The following PPP5C variants were observed in gnomAD, a reference collection of about 807,000 sequenced individuals.
PPP5C encodes the protein protein phosphatase 5 catalytic subunit, also known as serine/threonine-protein phosphatase 5.
A neutral mutation model predicts 66.7 loss-of-function variants in PPP5C; 21 were observed. The ratio of observed to expected loss-of-function variants is 0.31; its 90% confidence interval spans 0.22 to 0.45. The LOEUF is 0.45. PPP5C is among the 20% of genes least tolerant of loss of function. The probability of loss-of-function intolerance (pLI) is 1.00; values close to 1 mark genes in which losing one functional copy is unlikely to be tolerated. For synonymous variants in PPP5C, 246 were observed against 257.4 expected (o/e 0.96, Z 0.43); for missense variants, 464 against 675.9 (o/e 0.69, Z 3.48).
chr19:46,355,558 G>A lies in PPP5C; in HGVS notation c.363+1569G>A, dbSNP rs113731460. ...GTTAGGATGGGGGCAGAGATGTGGC[G>A]GGGGGTTAGGGCGACACCTAGAAGG... On this transcript the variant is annotated intron_variant, in intron 2 of 12. Coordinates refer to ENST00000012443, the MANE Select transcript of PPP5C (RefSeq NM_006247.4). 2.5e-3 allele frequency among the ~76,000 whole-genome samples: 386 copies of A among 152,120 alleles called. 4 individuals are homozygous for A. The highest frequency in any genetic ancestry group is 8.4e-3 in the African/African-American group (347 of 41,490).
chr19:46,383,710 C>T lies in PPP5C; in HGVS notation c.700-70C>T. The T allele has an allele frequency of 7.7e-7, 1 of 1,294,292 alleles. No homozygotes were observed. Among genetic ancestry groups the T allele is most frequent in the Non-Finnish European group, 1.1e-6 (1 of 894,630 alleles). The allele number at this position is 1,294,292 out of a possible 1,614,324, so 80.2% of individuals were successfully genotyped here. A position where few individuals can be genotyped will look rare whatever the true frequency, so the allele number is the denominator to read the frequency against. On this transcript the variant is annotated intron_variant, in intron 5 of 12. Transcript: ENST00000012443. This position sits in a 1 kb window ranked among gnomAD's most constrained non-coding sequence, Gnocchi z 5.0. ...GGTCTACTGTGAACTCTTACCCTTC[C>T]CCTCACCTCTGCCCCCTCCCCACGT...
Position 46,390,803 on chromosome 19 carries a change from T to C in PPP5C, c.*457T>C. 8.9e-7 allele frequency: 1 copy of C among 1,127,440 alleles called. No homozygotes were observed. Among genetic ancestry groups the C allele is most frequent in the Non-Finnish European group, 1.1e-6 (1 of 909,128 alleles). 69.8% of individuals were successfully genotyped at this position (1,127,440 alleles called of 1,614,324 possible). On this transcript the variant is annotated 3_prime_UTR_variant, in exon 13 of 13. Coordinates refer to ENST00000012443, the MANE Select transcript of PPP5C (RefSeq NM_006247.4). Reference sequence around the variant, plus strand: ...TGGGGCTCACCCCCCTCCCCAGCTATTTTATGTCTGTAATTAAATATGTTA... The same window carrying C: ...TGGGGCTCACCCCCCTCCCCAGCTACTTTATGTCTGTAATTAAATATGTTA...
chr19:46,390,221 G>C, intron 12 of PPP5C, 63 bp from the exon 13 acceptor site: 1 of 1,604,402 alleles, frequency 6.2e-7, no homozygotes, highest in South Asian at 1.1e-5. Flanking sequence ...GGTAGGTTCT[G>C]CCGGTGGGTG....
chr19:46,363,677 G>A (rs1393701516), intron 2 of PPP5C, among the ~76,000 whole-genome samples: 5 of 151,722 alleles, frequency 3.3e-5, no homozygotes, highest in Admixed American at 6.6e-5. Context: ...ATCTGCCCCC[G>A]CTCAGCCTCC....
At chr19:46,347,361 G>C in intron 1 of PPP5C, 144 bp downstream of exon 1, 2 of 1,315,018 alleles carry the variant, frequency 1.5e-6, no homozygotes, top group South Asian at 1.6e-5. Context: ...CCAGGATGGC[G>C]CTGCCAAGGA....
At chr19:46,375,933 T>C (rs1056790015) in intron 3 of PPP5C, among the ~76,000 whole-genome samples, 182 bp downstream of exon 3, 2 of 152,150 alleles carry the variant, frequency 1.3e-5, no homozygotes, top group African/African-American at 4.8e-5. Flanking sequence ...GGCCTCACGC[T>C]TCCCAGTGAG....
In PPP5C at chr19:46,390,529, G is replaced by C. The variant is rs1251475478; in HGVS notation, c.*183G>C. The C allele has an allele frequency of 3.5e-6, 5 of 1,446,818 alleles. No individual in the cohort carries two copies. The highest frequency in any genetic ancestry group is 4.6e-6 in the Non-Finnish European group (5 of 1,098,528). The allele number at this position is 1,446,818 out of a possible 1,614,324, so 89.6% of individuals were successfully genotyped here. A position where few individuals can be genotyped will look rare whatever the true frequency, so the allele number is the denominator to read the frequency against. ...TAGGGGCAGAGTCAGGGGCTGGCCAGAGGGTCTGCTCCCTGGACAGAGAGG... is the reference window on the plus strand; with the variant it reads ...TAGGGGCAGAGTCAGGGGCTGGCCACAGGGTCTGCTCCCTGGACAGAGAGG... On this transcript the variant is annotated 3_prime_UTR_variant, in exon 13 of 13. Coordinates refer to ENST00000012443, the MANE Select transcript of PPP5C (RefSeq NM_006247.4).
rs190895506 is a variant in PPP5C at position 46,384,912 on chromosome 19, G to A, written c.904+3G>A. On this transcript the variant is annotated splice_donor_region_variant and intron_variant, in intron 7 of 12. Coordinates refer to ENST00000012443, the MANE Select transcript of PPP5C (RefSeq NM_006247.4). ...AGATCACTTTCACCTCCTTCGAGGT[G>A]AGCTGGGAAGTGACAAGGTTTGGGT... The A allele has an allele frequency of 3.0e-5, 48 of 1,609,726 alleles. No homozygotes were observed. The highest frequency in any genetic ancestry group is 4.0e-5 in the African/African-American group (3 of 74,940).
At chr19:46,374,703 G>C (rs565212478) in intron 2 of PPP5C, among the ~76,000 whole-genome samples, 2 of 152,206 alleles carry the variant, frequency 1.3e-5, no homozygotes, top group Non-Finnish European at 2.9e-5. Context: ...AAGGGGGACC[G>C]TGAAGAGCAG....
Position 46,375,685 on chromosome 19 carries a change from G to A in PPP5C, c.445G>A (p.Glu149Lys). The A allele has an allele frequency of 3.1e-6, 5 of 1,613,514 alleles. No individual in the cohort carries two copies. Among genetic ancestry groups the A allele is most frequent in the Non-Finnish European group, 3.4e-6 (4 of 1,179,652 alleles). Residue 149 changes from glutamate to lysine, a missense_variant, in exon 3 of 13, where the codon GAG becomes AAG. Physicochemically the swap from Glu to Lys is moderately conservative, Grantham distance 56. This residue lies in a region of PPP5C where 387 missense variants were observed against 626.0 expected (regional missense o/e 0.62). Transcript: ENST00000012443. The stretch of plus-strand genomic sequence containing the variant: ...CAAGATCGTGAAGCAGAAGGCCTTT[G>A]AGCGGGCCATCGCGGGCGACGAGCA... ...CNKIVKQKAF[E>K]RAIAGDEHKR...
At chr19:46,389,142 G>A (rs1436933194) in intron 11 of PPP5C, among the ~76,000 whole-genome samples, 1 of 152,006 alleles carries the variant, frequency 6.6e-6, no homozygotes, top group Non-Finnish European at 1.5e-5. Context: ...TGGCCAACAT[G>A]GTGAAACCCC....
chr19:46,349,187 G>T (rs1972139259), intron 1 of PPP5C, among the ~76,000 whole-genome samples: 1 of 152,078 alleles, frequency 6.6e-6, no homozygotes, highest in Admixed American at 6.6e-5. Context: ...CCAGCTACTT[G>T]GGAGGCTGAG....
In PPP5C at chr19:46,353,728, CTCT is replaced by C. The variant is rs765359925; in HGVS notation, c.122-13_122-11del. 36 of 1,613,758 alleles carry C rather than the reference CTCT, an allele frequency of 2.2e-5. No homozygotes were observed. The highest frequency in any genetic ancestry group is 4.4e-5 in the South Asian group (4 of 91,064). ...GCAGGGTTGGAGCACTGCCTCATGC[CTCT>C]TCTTCTGTCTCCGCAGCCAAGGACT... On this transcript the variant is annotated splice_polypyrimidine_tract_variant and intron_variant, in intron 1 of 12. Coordinates refer to ENST00000012443, the MANE Select transcript of PPP5C (RefSeq NM_006247.4).
At chr19:46,377,912 G>A (rs973301729) in intron 4 of PPP5C, among the ~76,000 whole-genome samples, 1 of 152,142 alleles carries the variant, frequency 6.6e-6, no homozygotes, top group Admixed American at 6.5e-5. Context: ...TTTCTACTTT[G>A]TAGCTTTTAT....
intron 2 of PPP5C, among the ~76,000 whole-genome samples, chr19:46,365,937 T>C (rs893368765): frequency 1.3e-5 from 2 of 152,178 alleles, no homozygotes; most frequent in Non-Finnish European, 2.9e-5. Flanking sequence ...GAAGGCAGTT[T>C]TCTTTTTTTC....
At position 46,390,868 on chromosome 19, in the gene PPP5C, G is replaced by A. The variant is rs1046831784; in HGVS notation, c.*522G>A. ...TCGGAAGTCAGCTTGTCTCTGGATG[G>A]TGGAGCCGAAGGAGCTGCCCGGGTT... On this transcript the variant is annotated 3_prime_UTR_variant, in exon 13 of 13. Coordinates refer to ENST00000012443, the MANE Select transcript of PPP5C (RefSeq NM_006247.4). 4.6e-5 allele frequency: 52 copies of A among 1,140,926 alleles called. No individual in the cohort carries two copies. In the South Asian group the frequency reaches 5.8e-4, roughly 13 times the overall value. The allele number at this position is 1,140,926 out of a possible 1,614,324, so 70.7% of individuals were successfully genotyped here. A position where few individuals can be genotyped will look rare whatever the true frequency, so the allele number is the denominator to read the frequency against.
intron 1 of PPP5C, 137 bp downstream of exon 1, chr19:46,347,354 G>C: frequency 4.5e-6 from 6 of 1,343,166 alleles, no homozygotes; most frequent in Non-Finnish European, 5.9e-6. Context: ...GGGAGGCCCA[G>C]GATGGCGCTG....
intron 2 of PPP5C, among the ~76,000 whole-genome samples, chr19:46,358,048 T>C (rs534707129): frequency 6.6e-6 from 1 of 152,244 alleles, no homozygotes; most frequent in East Asian, 1.9e-4. Context: ...TGAAGCTACA[T>C]AGGGGTGGCT....
chr19:46,353,089 G>T (rs1427929706), intron 1 of PPP5C, among the ~76,000 whole-genome samples: 1 of 152,188 alleles, frequency 6.6e-6, no homozygotes, highest in Non-Finnish European at 1.5e-5. Context: ...ATCAAGCCTG[G>T]CTCTGCAGGT....
Sources: gnomAD v4.1 joint callset for allele counts (sites outside exome capture counted in the v4.1 genomes callset) on GRCh38, gnomAD v4.1.1 for gene constraint, gnomAD v4.1.1 regional missense constraint, Gnocchi (gnomAD v3.1) non-coding constraint, MANE v1.5 for transcripts, NCBI Gene and HGNC (gene_info 2026-07-23, HGNC 2026-07-21) for gene names.